Variants in PPM1L observed in about 807,000 individuals in gnomAD.
The protein encoded by PPM1L is protein phosphatase, Mg2+/Mn2+ dependent 1L, also known as protein phosphatase 1L.
A neutral mutation model predicts 31.4 loss-of-function variants in PPM1L; 13 were observed. The ratio of observed to expected loss-of-function variants is 0.41; its 90% CI spans 0.27 to 0.66. PPM1L has a LOEUF of 0.66. Ranked by LOEUF, PPM1L falls within the 30% of genes least tolerant of loss-of-function variation. The pLI is 0.29. For synonymous variants in PPM1L, 184 were observed against 175.4 expected, an observed-to-expected ratio of 1.05 and a Z score of -0.39; for missense variants, 326 against 453.7, an observed-to-expected ratio of 0.72 and a Z score of 2.56.
chr3:160,943,562 G>T (rs1004711192), intron 1 of PPM1L, among the ~76,000 whole-genome samples: 4 of 152,128 alleles, frequency 2.6e-5, no homozygotes, highest in African/African-American at 9.7e-5. Flanking sequence ...AACTGGAAAG[G>T]ATTCTGAGAA....
In PPM1L at chr3:161,044,761, A is replaced by G. The variant is rs547382238; in HGVS notation, c.575-20642A>G. On this transcript the variant is annotated intron_variant, in intron 2 of 3. Transcript: ENST00000498165. ...ACATCACAATGACAGGATCAACTTC[A>G]CGCATAACAATATTAACCTTAAATG... 3.7e-4 allele frequency among the ~76,000 whole-genome samples: 56 copies of G among 152,326 alleles called. No individual in the cohort carries two copies. The South Asian group carries it at 0.012, about 32-fold the overall frequency.
intron 1 of PPM1L, among the ~76,000 whole-genome samples, chr3:160,775,684 C>T (rs1039593981): frequency 3.3e-5 from 5 of 152,184 alleles, no homozygotes; most frequent in Admixed American, 3.3e-4. Context: ...TTAACTCAGC[C>T]TGCCATTGAG....
At chr3:160,804,526 A>G (rs910955376) in intron 1 of PPM1L, among the ~76,000 whole-genome samples, 10 of 152,190 alleles carry the variant, frequency 6.6e-5, no homozygotes, top group African/African-American at 2.4e-4. Context: ...CTGAATAAAT[A>G]GTCTTTCTTT....
At chr3:161,015,325 C>T (rs1718050739) in intron 2 of PPM1L, among the ~76,000 whole-genome samples, 1 of 152,294 alleles carries the variant, frequency 6.6e-6, no homozygotes, top group South Asian at 2.1e-4. Flanking sequence ...CTTCATAAAA[C>T]CTCATTACCA....
At chr3:160,890,420 A>G (rs1019489389) in intron 1 of PPM1L, among the ~76,000 whole-genome samples, 20 of 152,194 alleles carry the variant, frequency 1.3e-4, no homozygotes, top group South Asian at 6.2e-4. Context: ...ACCTAGGAAT[A>G]CAGCTAACGA....
chr3:161,039,811 C>G (rs539597686), intron 2 of PPM1L, among the ~76,000 whole-genome samples: 24 of 152,278 alleles, frequency 1.6e-4, no homozygotes, highest in African/African-American at 5.8e-4. Flanking sequence ...CCACTGCGCC[C>G]GGCCATACCT....
chr3:160,766,019 G>A (rs1371955881), intron 1 of PPM1L, among the ~76,000 whole-genome samples: 9 of 152,036 alleles, frequency 5.9e-5, no homozygotes, highest in Non-Finnish European at 1.3e-4. Context: ...CCAAGCTTTG[G>A]TTATGGCTAG....
chr3:160,838,111 A>G (rs1713773158), intron 1 of PPM1L, among the ~76,000 whole-genome samples: 1 of 152,180 alleles, frequency 6.6e-6, no homozygotes, highest in Non-Finnish European at 1.5e-5. Context: ...ACCTTAGTTC[A>G]TAGATTAAAT....
At chr3:160,876,361 A>G (rs1398359232) in intron 1 of PPM1L, among the ~76,000 whole-genome samples, 1 of 152,232 alleles carries the variant, frequency 6.6e-6, no homozygotes, top group African/African-American at 2.4e-5. Flanking sequence ...GTGTGGAATG[A>G]TGGCAAACTG....
In PPM1L at chr3:161,070,206, C is replaced by T. The variant is rs1176040486; in HGVS notation, c.*1049C>T. 2.0e-5 allele frequency: 3 copies of T among 152,216 alleles called. No individual in the cohort carries two copies. The highest frequency in any genetic ancestry group is 4.4e-5 in the Non-Finnish European group (3 of 68,078). The allele number at this position is 152,216 out of a possible 1,614,324, so 9.4% of individuals were successfully genotyped here. ...TGGTTTTCAAGTGTCAGGCAGTGTTCTGAGAAGCAGCAGCCTATAACTGTA... is the reference window on the plus strand; with the variant it reads ...TGGTTTTCAAGTGTCAGGCAGTGTTTTGAGAAGCAGCAGCCTATAACTGTA... On this transcript the variant is annotated 3_prime_UTR_variant, in exon 4 of 4. Transcript: ENST00000498165.
intron 1 of PPM1L, among the ~76,000 whole-genome samples, chr3:160,857,745 A>G (rs1216844129): frequency 1.3e-5 from 2 of 152,214 alleles, no homozygotes; most frequent in Non-Finnish European, 2.9e-5. Flanking sequence ...ACAGCCTAAA[A>G]TAATAAATGC....
chr3:160,806,968 G>A (rs929510595), intron 1 of PPM1L, among the ~76,000 whole-genome samples: 3 of 151,926 alleles, frequency 2.0e-5, no homozygotes, highest in Non-Finnish European at 4.4e-5. Flanking sequence ...AGGAAAGAAA[G>A]AGAAAGAAAG....
chr3:160,901,911 T>C (rs1176341050), intron 1 of PPM1L, among the ~76,000 whole-genome samples: 1 of 152,084 alleles, frequency 6.6e-6, no homozygotes, highest in African/African-American at 2.4e-5. Flanking sequence ...TTTGCGTAAG[T>C]TGGTCTCATT....
At chr3:161,002,066 C>T (rs1041523268) in intron 2 of PPM1L, among the ~76,000 whole-genome samples, 13 of 151,436 alleles carry the variant, frequency 8.6e-5, no homozygotes, top group African/African-American at 2.9e-4. Flanking sequence ...CAATTCCCAC[C>T]TATGAGTGAG....
chr3:160,770,096 C>G (rs905363187), intron 1 of PPM1L, among the ~76,000 whole-genome samples: 1 of 152,190 alleles, frequency 6.6e-6, no homozygotes, highest in Admixed American at 6.5e-5. Context: ...CTTACTGACT[C>G]AACTTCCTAT....
At chr3:160,972,918 T>A (rs1716401974) in intron 2 of PPM1L, among the ~76,000 whole-genome samples, 1 of 152,174 alleles carries the variant, frequency 6.6e-6, no homozygotes, top group Non-Finnish European at 1.5e-5. Context: ...GGTATCTCAC[T>A]GTGGTTTTGA....
At chr3:160,944,766 AC>A (rs1715276129) in intron 1 of PPM1L, among the ~76,000 whole-genome samples, 1 of 56,018 alleles carries the variant, frequency 1.8e-5, no homozygotes, top group Non-Finnish European at 6.3e-5. Flanking sequence ...GTTATATATA[AC>A]ATGTTATATA....
chr3:160,797,597 T>G (rs530839317), intron 1 of PPM1L, among the ~76,000 whole-genome samples: 1 of 152,170 alleles, frequency 6.6e-6, no homozygotes, highest in Admixed American at 6.6e-5. Context: ...AAGTTGTGAA[T>G]GCAAAAGAAA....
intron 2 of PPM1L, among the ~76,000 whole-genome samples, chr3:161,026,602 A>C (rs1321413710): frequency 1.3e-5 from 2 of 152,014 alleles, no homozygotes; most frequent in African/African-American, 4.8e-5. Flanking sequence ...AGGCTGAGGC[A>C]GGAATCCCTC....
Sources: allele counts gnomAD v4.1 joint callset (sites outside exome capture counted in the v4.1 genomes callset), GRCh38; gene constraint gnomAD v4.1.1; transcripts MANE v1.5; gene names NCBI Gene and HGNC (gene_info 2026-07-23, HGNC 2026-07-21).